Variants in TRPM1 observed in about 807,000 individuals in gnomAD.
The protein encoded by TRPM1 is transient receptor potential cation channel subfamily M member 1, also known as TRPM1-203 APA Isoform, Intron 10.
In TRPM1, 113 loss-of-function variants were observed where a neutral mutation model predicts 149.4. The ratio of observed to expected loss-of-function variants is 0.76; its 90% CI spans 0.65 to 0.88. TRPM1 has a LOEUF of 0.88. Ranked by LOEUF, TRPM1 falls within the 40% of genes least tolerant of loss-of-function variation. TRPM1 has a pLI of 0.00. For synonymous variants in TRPM1, 741 were observed against 759.5 expected (o/e 0.98, Z 0.40); for missense variants, 1,976 against 2,038.7 (o/e 0.97, Z 0.59).
chr15:31,113,250 G>A (rs1028008008), intron 1 of TRPM1, among the ~76,000 whole-genome samples: 1 of 152,096 alleles, frequency 6.6e-6, no homozygotes, highest in Non-Finnish European at 1.5e-5. Context: ...GAAAGGGAGG[G>A]CTCCACAGGA....
At chr15:31,141,131 C>G (rs1414848833) in intron 1 of TRPM1, among the ~76,000 whole-genome samples, 1 of 151,968 alleles carries the variant, frequency 6.6e-6, no homozygotes, top group Non-Finnish European at 1.5e-5. Context: ...CATACCTGGC[C>G]TCTAATCTTG....
chr15:31,040,301 C>G lies in TRPM1; in HGVS notation c.2133G>C (p.Lys711Asn). 1 of 1,614,176 alleles carries G rather than the reference C, an allele frequency of 6.2e-7. No homozygotes were observed. Among genetic ancestry groups the G allele is most frequent in the African/African-American group, 1.3e-5 (1 of 75,030 alleles). ...LALELLDQSY[K>N]HDEQIAMKLL... ...GTTTCATAGCGATCTGCTCGTCATG[C>G]TTATAGGACTGGTCTAATAACTCCA... The change falls in exon 18 of 28, where the codon AAG becomes AAC. Residue 711 changes from lysine to asparagine, a missense_variant. Transcript: ENST00000256552. The surrounding 1 kb of genome is among the most constrained non-coding windows in gnomAD (Gnocchi z 4.2).
chr15:31,113,521 TC>T (rs2035741075), intron 1 of TRPM1, among the ~76,000 whole-genome samples: 2 of 151,974 alleles, frequency 1.3e-5, no homozygotes, highest in African/African-American at 4.8e-5. Context: ...TTCCAAACTG[TC>T]AAAAAACATT....
chr15:31,007,670 A>G (rs562757378), intron 27 of TRPM1, among the ~76,000 whole-genome samples: 1 of 151,782 alleles, frequency 6.6e-6, no homozygotes, highest in Non-Finnish European at 1.5e-5. Flanking sequence ...AACAACAACA[A>G]CAACAACAAC....
At chr15:31,132,541 A>G (rs2036030558) in intron 1 of TRPM1, among the ~76,000 whole-genome samples, 1 of 152,244 alleles carries the variant, frequency 6.6e-6, no homozygotes, top group African/African-American at 2.4e-5. Context: ...TATTTGCTTC[A>G]GAGGACGTGA....
At chr15:31,127,552 A>T (rs2141039783) in intron 1 of TRPM1, among the ~76,000 whole-genome samples, 1 of 152,192 alleles carries the variant, frequency 6.6e-6, no homozygotes, top group East Asian at 1.9e-4. Context: ...GGAGGTGGTG[A>T]GGCTAACATT....
chr15:31,105,433 CTCTGTG>C (rs1359221038), upstream of TRPM1, among the ~76,000 whole-genome samples: 237 of 109,866 alleles, frequency 2.2e-3, no homozygotes, highest in African/African-American at 6.1e-3. Context: ...AGCTGTGTGT[CTCTGTG>C]TGTGTGTGTG....
chr15:31,054,012 T>C (rs1035882665), intron 11 of TRPM1, among the ~76,000 whole-genome samples: 7 of 152,180 alleles, frequency 4.6e-5, no homozygotes, highest in African/African-American at 1.7e-4. Context: ...ACTCCACTTA[T>C]AGGAGGTACT....
At chr15:31,036,682 G>T (rs370237981) in intron 20 of TRPM1, among the ~76,000 whole-genome samples, 1 of 152,218 alleles carries the variant, frequency 6.6e-6, no homozygotes, top group African/African-American at 2.4e-5. Context: ...CCCCATCTCC[G>T]GCAGCAGCCT....
chr15:31,149,890 C>G (rs1470644557), intron 1 of TRPM1, among the ~76,000 whole-genome samples: 1 of 152,210 alleles, frequency 6.6e-6, no homozygotes, highest in Admixed American at 6.5e-5. Context: ...TGAAGATATT[C>G]TGTTGGCGAG....
intron 1 of TRPM1, among the ~76,000 whole-genome samples, chr15:31,095,102 A>G (rs1567051697): frequency 6.6e-6 from 1 of 152,286 alleles, no homozygotes; most frequent in Admixed American, 6.5e-5. Flanking sequence ...GCTAACTGAT[A>G]GAAGCCAGGC....
chr15:31,012,070 G>C (rs2032205434), intron 27 of TRPM1, among the ~76,000 whole-genome samples: 1 of 152,122 alleles, frequency 6.6e-6, no homozygotes, highest in Non-Finnish European at 1.5e-5. Flanking sequence ...TGTACATTGT[G>C]TACCCATCAA....
rs762278832 is a variant in TRPM1 at position 31,002,107 on chromosome 15, G to A, written c.4593C>T (p.His1531=). 28 of 1,614,228 alleles carry A rather than the reference G, an allele frequency of 1.7e-5. No homozygotes were observed. The East Asian group carries it at 2.7e-4, about 15-fold the overall frequency. Reference sequence around the variant, plus strand: ...TTCGAGGAATTGCTTCAGCGACATGGTGTTCATCTTGCATATCTGCAAACT... The same window carrying A: ...TTCGAGGAATTGCTTCAGCGACATGATGTTCATCTTGCATATCTGCAAACT... The part of the protein sequence containing the change: ...KEQFADMQDE[H]HVAEAIPRIP... Residue 1531 remains histidine (H), a synonymous_variant, in exon 28 of 28, where the codon CAC becomes CAT. Coordinates refer to ENST00000256552, the MANE Select transcript of TRPM1 (RefSeq NM_001252024.2).
chr15:31,026,052 A>C, intron 27 of TRPM1, 87 bp downstream of exon 27: 1 of 1,569,972 alleles, frequency 6.4e-7, no homozygotes, highest in Non-Finnish European at 8.7e-7. Flanking sequence ...TGCATGTTTA[A>C]ATGAACTCTG....
At chr15:31,138,004 G>A (rs1357696311) in intron 1 of TRPM1, among the ~76,000 whole-genome samples, 1 of 152,080 alleles carries the variant, frequency 6.6e-6, no homozygotes, top group Non-Finnish European at 1.5e-5. Context: ...GTGGGAACTG[G>A]GGAAGCCCAA....
intron 1 of TRPM1, among the ~76,000 whole-genome samples, chr15:31,132,687 T>A (rs868674990): frequency 2.4e-4 from 36 of 152,248 alleles, no homozygotes; most frequent in African/African-American, 8.4e-4. Flanking sequence ...TTCAGCTGTG[T>A]CCCCACCCAA....
chr15:31,059,476 G>A (rs2034168182), intron 11 of TRPM1, among the ~76,000 whole-genome samples: 1 of 152,206 alleles, frequency 6.6e-6, no homozygotes, highest in Non-Finnish European at 1.5e-5. Flanking sequence ...TGCAGTCACA[G>A]CTAACTGTAA....
At chr15:31,046,060 T>C in intron 16 of TRPM1, 144 bp downstream of exon 16, 1 of 723,226 alleles carries the variant, frequency 1.4e-6, no homozygotes, top group Non-Finnish European at 2.4e-6. Flanking sequence ...AGAAAATGTA[T>C]ATATGGTCCT....
At chr15:31,133,554 T>C (rs928194182) in intron 1 of TRPM1, among the ~76,000 whole-genome samples, 3 of 152,120 alleles carry the variant, frequency 2.0e-5, no homozygotes, top group Non-Finnish European at 2.9e-5. Flanking sequence ...CCATGGCACA[T>C]GGCTGTAGTC....
Sources: allele counts gnomAD v4.1 joint callset (sites outside exome capture counted in the v4.1 genomes callset), GRCh38; gene constraint gnomAD v4.1.1; non-coding constraint Gnocchi (gnomAD v3.1); transcripts MANE v1.5; gene names NCBI Gene and HGNC (gene_info 2026-07-23, HGNC 2026-07-21).